DIAPH2: variants seen among roughly 807,000 people sequenced by gnomAD.
DIAPH2 encodes the protein diaphanous related formin 2, also known as protein diaphanous homolog 2.
In DIAPH2, 35 loss-of-function variants were observed where a neutral mutation model predicts 92.7. That is an observed-to-expected ratio of 0.38 (90% CI 0.29 to 0.50). DIAPH2 has a LOEUF of 0.50. Among genes scored for constraint, DIAPH2 ranks in the 20% least tolerant of loss-of-function variants. The probability of loss-of-function intolerance (pLI) is 0.94; values close to 1 mark genes in which losing one functional copy is unlikely to be tolerated. For synonymous variants in DIAPH2, 301 were observed against 280.4 expected (o/e 1.07, Z -0.73); for missense variants, 701 against 819.5 (o/e 0.86, Z 1.77).
chrX:96,817,287 T>C lies in DIAPH2; in HGVS notation c.447+59029T>C, dbSNP rs747769684. ...GAGGGGATAGCTAACCCATTTACCA[T>C]GATGTGATTATTATGCACTGCACGC... On this transcript the variant is annotated intron_variant, in intron 4 of 26. Transcript: ENST00000324765. Among the ~76,000 whole-genome samples the C allele has an allele frequency of 2.7e-5, 3 of 111,551 alleles. No individual in the cohort carries two copies. In the East Asian group the frequency reaches 8.5e-4, roughly 31 times the overall value.
chrX:97,494,320 A>G lies in DIAPH2; in HGVS notation c.3241+64575A>G, dbSNP rs141994362. Among the ~76,000 whole-genome samples, 578 of 109,828 alleles carry G rather than the reference A, an allele frequency of 5.3e-3. 2 individuals are homozygous for G. The highest frequency in any genetic ancestry group is 0.019 in the African/African-American group (561 of 30,256). On this transcript the variant is annotated intron_variant, in intron 26 of 26. Transcript: ENST00000324765. The stretch of plus-strand genomic sequence containing the variant: ...GGCAACAGAGCGAGACTCTGTCTCA[A>G]TAAATAAATAAATACATACATAATT...
At chrX:97,191,805 T>G (rs1459573783) in intron 22 of DIAPH2, among the ~76,000 whole-genome samples, 2 of 111,183 alleles carry the variant, frequency 1.8e-5, no homozygotes, top group Non-Finnish European at 3.8e-5. Context: ...GAAAGAAAAG[T>G]GACTGGATAG....
intron 15 of DIAPH2, among the ~76,000 whole-genome samples, chrX:96,952,834 G>T (rs893418905): frequency 2.7e-5 from 3 of 110,365 alleles, no homozygotes; most frequent in African/African-American, 9.9e-5. Flanking sequence ...ATTAATAATG[G>T]TGAGAGGGCT....
intron 22 of DIAPH2, among the ~76,000 whole-genome samples, chrX:97,166,086 A>T (rs1019403274): frequency 9.0e-6 from 1 of 111,504 alleles, no homozygotes; most frequent in African/African-American, 3.3e-5. Context: ...TCTTAAGTAA[A>T]ATATTGTTTT....
chrX:97,459,109 G>T (rs900011346), intron 26 of DIAPH2, among the ~76,000 whole-genome samples: 3 of 111,997 alleles, frequency 2.7e-5, no homozygotes, highest in African/African-American at 9.7e-5. Flanking sequence ...CAAGTTTGGG[G>T]AACACTACAC....
chrX:96,748,236 G>A (rs1569382501), intron 3 of DIAPH2, among the ~76,000 whole-genome samples: 1 of 112,100 alleles, frequency 8.9e-6, no homozygotes, highest in African/African-American at 3.2e-5. Flanking sequence ...GTGTATTTAA[G>A]CAACTATTTA....
chrX:97,602,083 A>G lies in DIAPH2; in HGVS notation c.*2766A>G, dbSNP rs1252756887. 1.8e-5 allele frequency: 2 copies of G among 112,020 alleles called. No individual in the cohort carries two copies. The highest frequency in any genetic ancestry group is 3.3e-5 in the African/African-American group (1 of 30,759). 9.2% of individuals were successfully genotyped at this position (112,020 alleles called of 1,213,427 possible). On this transcript the variant is annotated 3_prime_UTR_variant, in exon 27 of 27. Coordinates refer to ENST00000324765, the MANE Select transcript of DIAPH2 (RefSeq NM_006729.5). ...ACCTCATGAGTCTTAACTTAATTACATCTGCAAGGCCCCCTTCTCCAAATA... is the reference window on the plus strand; with the variant it reads ...ACCTCATGAGTCTTAACTTAATTACGTCTGCAAGGCCCCCTTCTCCAAATA...
At chrX:97,396,345 C>T (rs973762835) in intron 25 of DIAPH2, among the ~76,000 whole-genome samples, 1 of 110,898 alleles carries the variant, frequency 9.0e-6, no homozygotes, top group Non-Finnish European at 1.9e-5. Context: ...AATTCCCGAG[C>T]CCCTGGGCTG....
chrX:97,511,064 G>C (rs1187118811), intron 26 of DIAPH2, among the ~76,000 whole-genome samples: 6 of 105,378 alleles, frequency 5.7e-5, no homozygotes, highest in Admixed American at 4.1e-4. Context: ...TTGGTAGCTT[G>C]ATGGGGATGG....
chrX:96,827,626 A>G (rs2064824003), intron 4 of DIAPH2, among the ~76,000 whole-genome samples: 1 of 111,715 alleles, frequency 9.0e-6, no homozygotes, highest in South Asian at 3.8e-4. Context: ...TTACACTCTT[A>G]AAATTTTTGA....
chrX:96,702,009 T>C (rs1031534524), intron 1 of DIAPH2, among the ~76,000 whole-genome samples: 4 of 112,323 alleles, frequency 3.6e-5, no homozygotes, highest in African/African-American at 1.3e-4. Context: ...TAGCATTCTG[T>C]CTTCTTCTTA....
At chrX:97,039,574 A>G (rs1183276935) in intron 17 of DIAPH2, among the ~76,000 whole-genome samples, 1 of 111,408 alleles carries the variant, frequency 9.0e-6, no homozygotes, top group African/African-American at 3.3e-5. Context: ...ATTGGCTTCC[A>G]TTCAAATGGA....
At chrX:97,274,456 C>T (rs1198438230) in intron 23 of DIAPH2, among the ~76,000 whole-genome samples, 1 of 106,624 alleles carries the variant, frequency 9.4e-6, no homozygotes, top group Non-Finnish European at 1.9e-5. Context: ...TGCAGTGAGC[C>T]GAGATCACCC....
chrX:96,953,557 A>G (rs1183012226), intron 15 of DIAPH2: 1 of 112,305 alleles, frequency 8.9e-6, no homozygotes, highest in East Asian at 2.8e-4. Flanking sequence ...CACGGAGAAC[A>G]AAAATACAGA....
At chrX:96,739,785 A>T (rs2064108395) in intron 3 of DIAPH2, among the ~76,000 whole-genome samples, 1 of 106,847 alleles carries the variant, frequency 9.4e-6, no homozygotes, top group African/African-American at 3.4e-5. Flanking sequence ...ACCCTTTTTC[A>T]CTCTTCTTCC....
chrX:96,726,439 A>G (rs775712873), intron 1 of DIAPH2, among the ~76,000 whole-genome samples: 1 of 112,261 alleles, frequency 8.9e-6, no homozygotes, highest in East Asian at 2.8e-4. Flanking sequence ...GTGTTGCAGA[A>G]GGAACCATGG....
At chrX:96,836,973 C>T (rs1431997828) in intron 4 of DIAPH2, among the ~76,000 whole-genome samples, 1 of 105,549 alleles carries the variant, frequency 9.5e-6, no homozygotes, top group Non-Finnish European at 1.9e-5. Context: ...GTGATCCGCC[C>T]GCCTCAGCCT....
intron 4 of DIAPH2, among the ~76,000 whole-genome samples, chrX:96,790,730 A>T (rs2064494348): frequency 8.9e-6 from 1 of 111,947 alleles, no homozygotes; most frequent in East Asian, 2.8e-4. Flanking sequence ...AATTTAAAAA[A>T]AATGAAAGGG....
intron 17 of DIAPH2, among the ~76,000 whole-genome samples, chrX:96,986,323 A>G (rs1347197984): frequency 2.7e-5 from 3 of 111,918 alleles, no homozygotes; most frequent in Non-Finnish European, 5.7e-5. Flanking sequence ...AAGGACTTTG[A>G]TGCATGGAAA....
Sources: gnomAD v4.1 joint callset for allele counts (sites outside exome capture counted in the v4.1 genomes callset) on GRCh38, gnomAD v4.1.1 for gene constraint, MANE v1.5 for transcripts, NCBI Gene and HGNC (gene_info 2026-07-23, HGNC 2026-07-21) for gene names.